The following ENTHD1 variants were observed in gnomAD, a reference collection of about 807,000 sequenced individuals.
ENTHD1 encodes ENTH domain containing 1.
A neutral mutation model predicts 39.1 loss-of-function variants in ENTHD1; 23 were observed. The ratio of observed to expected loss-of-function variants is 0.59; its 90% CI spans 0.42 to 0.83. ENTHD1 has a LOEUF of 0.83. Among genes scored for constraint, ENTHD1 ranks in the 40% least tolerant of loss-of-function variants. The pLI is 0.00. For missense variants in ENTHD1, 624 were observed against 705.4 expected (o/e 0.88, Z 1.31); for synonymous variants, 230 against 258.2 (o/e 0.89, Z 1.05).
intron 5 of ENTHD1, among the ~76,000 whole-genome samples, chr22:39,820,351 A>G (rs549410873): frequency 6.6e-6 from 1 of 152,316 alleles, no homozygotes; most frequent in South Asian, 2.1e-4. Flanking sequence ...GATGAAAGAT[A>G]CTAATGAGAA....
chr22:39,817,792 T>C (rs1249067430), intron 5 of ENTHD1, among the ~76,000 whole-genome samples: 1 of 152,204 alleles, frequency 6.6e-6, no homozygotes, highest in African/African-American at 2.4e-5. Context: ...GAAACTAGTT[T>C]AGCATGCAGA....
At chr22:39,747,702 T>TTAA (rs1324052330) in intron 6 of ENTHD1, among the ~76,000 whole-genome samples, 1 of 152,092 alleles carries the variant, frequency 6.6e-6, no homozygotes, top group Admixed American at 6.5e-5. Flanking sequence ...TCAGAAAACC[T>TTAA]TAATAATAAT....
chr22:39,849,954 T>A (rs2066021924), intron 3 of ENTHD1, among the ~76,000 whole-genome samples: 1 of 152,210 alleles, frequency 6.6e-6, no homozygotes, highest in African/African-American at 2.4e-5. Context: ...TTCTTCCACC[T>A]TATTCTAAAA....
chr22:39,792,975 T>C (rs2065516832), intron 5 of ENTHD1, among the ~76,000 whole-genome samples: 2 of 152,290 alleles, frequency 1.3e-5, no homozygotes, highest in African/African-American at 4.8e-5. Flanking sequence ...GATCATATAG[T>C]AGGCCTATTT....
intron 6 of ENTHD1, among the ~76,000 whole-genome samples, chr22:39,756,393 G>A (rs890048526): frequency 7.9e-5 from 12 of 151,580 alleles, no homozygotes; most frequent in African/African-American, 2.9e-4. Flanking sequence ...GGAGTGTAGT[G>A]GCGTGATCTG....
intron 2 of ENTHD1, among the ~76,000 whole-genome samples, chr22:39,886,597 G>A (rs1283083788): frequency 6.6e-6 from 1 of 152,124 alleles, no homozygotes; most frequent in Admixed American, 6.5e-5. Flanking sequence ...ATGCTTCCCA[G>A]AGAGAATGCT....
chr22:39,849,615 GTAC>G (rs1356181859), intron 3 of ENTHD1, among the ~76,000 whole-genome samples: 1 of 152,058 alleles, frequency 6.6e-6, no homozygotes, highest in Non-Finnish European at 1.5e-5. Flanking sequence ...TACAGATTTT[GTAC>G]TTCTTTTGTA....
intron 3 of ENTHD1, among the ~76,000 whole-genome samples, chr22:39,839,197 A>G (rs1174855786): frequency 6.6e-6 from 1 of 152,212 alleles, no homozygotes. Flanking sequence ...AACAAAAAAA[A>G]ATACTGAAAA....
At chr22:39,774,720 C>T (rs1263529438) in intron 5 of ENTHD1, among the ~76,000 whole-genome samples, 1 of 152,196 alleles carries the variant, frequency 6.6e-6, no homozygotes, top group East Asian at 1.9e-4. Flanking sequence ...TCTCTTGCCT[C>T]ATCTTGTGCT....
chr22:39,756,328 A>T (rs2065185475), intron 6 of ENTHD1, among the ~76,000 whole-genome samples: 2 of 151,476 alleles, frequency 1.3e-5, no homozygotes. Context: ...ACACACACAC[A>T]CACACACACA....
At chr22:39,876,231 T>C (rs2066288627) in intron 2 of ENTHD1, 1 of 1,190,148 alleles carries the variant, frequency 8.4e-7, no homozygotes, top group South Asian at 1.7e-5. Flanking sequence ...ATTGATGATG[T>C]ATTTGCAAAC....
intron 6 of ENTHD1, among the ~76,000 whole-genome samples, chr22:39,756,316 T>TCTCTCA (rs1433242336): frequency 3.6e-4 from 50 of 138,092 alleles, no homozygotes; most frequent in African/African-American, 1.0e-3. Flanking sequence ...TCTCTCTCTC[T>TCTCTCA]CACACACACA....
At chr22:39,862,242 G>T (rs2146726151) in intron 2 of ENTHD1, among the ~76,000 whole-genome samples, 1 of 152,008 alleles carries the variant, frequency 6.6e-6, no homozygotes, top group African/African-American at 2.4e-5. Flanking sequence ...ATACATTATT[G>T]GATTTTCCTT....
intron 5 of ENTHD1, among the ~76,000 whole-genome samples, chr22:39,797,461 G>A (rs1208698193): frequency 1.3e-5 from 2 of 152,116 alleles, no homozygotes; most frequent in African/African-American, 2.4e-5. Context: ...GTTTATCACT[G>A]TAGTTGGGTG....
At chr22:39,747,620 TG>T (rs1400425169) in intron 6 of ENTHD1, among the ~76,000 whole-genome samples, 1 of 152,188 alleles carries the variant, frequency 6.6e-6, no homozygotes, top group Non-Finnish European at 1.5e-5. Context: ...AAATGGTTGA[TG>T]GATATGCTAA....
Position 39,765,586 on chromosome 22 carries a change from T to G in ENTHD1, c.856A>C (p.Asn286His), listed in dbSNP as rs770008485. ...ACATCTCTCTGCCCAGAAGGACTAT[T>G]TTCTGAGAGAGTAGGCACAGCATCT... ...GADAVPTLSE[N>H]SPSGQRDVSL... The change falls in exon 6 of 7, where the codon AAT becomes CAT. Residue 286 changes from asparagine (N) to histidine (H), a missense_variant. Transcript: ENST00000325157. 4 of 1,612,480 alleles carry G rather than the reference T, an allele frequency of 2.5e-6. No homozygotes were observed. Among genetic ancestry groups the G allele is most frequent in the Non-Finnish European group, 3.4e-6 (4 of 1,179,332 alleles).
At chr22:39,850,166 G>T (rs948131037) in intron 3 of ENTHD1, among the ~76,000 whole-genome samples, 1 of 152,206 alleles carries the variant, frequency 6.6e-6, no homozygotes, top group Middle Eastern at 3.4e-3. Context: ...CAATAAAGAT[G>T]TTTTGAAATT....
At chr22:39,868,959 GC>G (rs1569175761) in intron 2 of ENTHD1, among the ~76,000 whole-genome samples, 1 of 152,080 alleles carries the variant, frequency 6.6e-6, no homozygotes, top group Admixed American at 6.6e-5. Flanking sequence ...TTATCAAAAA[GC>G]CAAAAAACAA....
chr22:39,818,978 G>A (rs1056663461), intron 5 of ENTHD1, among the ~76,000 whole-genome samples: 21 of 152,152 alleles, frequency 1.4e-4, no homozygotes, highest in African/African-American at 5.1e-4. Context: ...CCTTCAGTAG[G>A]TGAATGGATA....
Sources: gnomAD v4.1 joint callset for allele counts (sites outside exome capture counted in the v4.1 genomes callset) on GRCh38, gnomAD v4.1.1 for gene constraint, MANE v1.5 for transcripts, NCBI Gene and HGNC (gene_info 2026-07-23, HGNC 2026-07-21) for gene names.